The following PKD2L2 variants were observed in gnomAD, a reference collection of about 807,000 sequenced individuals.
PKD2L2 encodes the protein polycystin 2 like 2, transient receptor potential cation channel.
Under a neutral mutation model 83.9 loss-of-function variants are expected in PKD2L2, and 67 were observed. That is an observed-to-expected ratio of 0.80 (90% CI 0.66 to 0.98). The LOEUF (loss-of-function observed/expected upper bound fraction) is 0.98. Ranked by LOEUF, PKD2L2 falls within the 50% of genes least tolerant of loss-of-function variation. The probability of loss-of-function intolerance (pLI) is 0.00; values close to 1 mark genes in which losing one functional copy is unlikely to be tolerated. For missense variants in PKD2L2, 632 were observed against 717.2 expected (o/e 0.88, Z 1.36); for synonymous variants, 223 against 237.8 (o/e 0.94, Z 0.57).
At chr5:137,889,604 A>G in intron 1 of PKD2L2, 82 bp downstream of exon 1, 1 of 1,284,172 alleles carries the variant, frequency 7.8e-7, no homozygotes, top group Non-Finnish European at 1.0e-6. Flanking sequence ...TGCGGCCCCA[A>G]ATTCGTTTGA....
chr5:137,913,352 T>G (rs1758026519), intron 8 of PKD2L2, among the ~76,000 whole-genome samples: 1 of 150,868 alleles, frequency 6.6e-6, no homozygotes, highest in African/African-American at 2.4e-5. Context: ...CCCAGCTGAT[T>G]TTTAAAAATT....
At chr5:137,914,946 C>A (rs1188655275) in intron 8 of PKD2L2, among the ~76,000 whole-genome samples, 1 of 152,096 alleles carries the variant, frequency 6.6e-6, no homozygotes, top group Non-Finnish European at 1.5e-5. Context: ...GTATGTTGAA[C>A]CATCCTTGCA....
chr5:137,918,844 C>CTTTTTT (rs796480261), intron 8 of PKD2L2, among the ~76,000 whole-genome samples: 1 of 144,620 alleles, frequency 6.9e-6, no homozygotes. Flanking sequence ...TTCCAAGAAT[C>CTTTTTT]TTTTTTTTTT....
intron 10 of PKD2L2, among the ~76,000 whole-genome samples, chr5:137,924,380 C>T (rs1759194803): frequency 1.3e-5 from 2 of 152,214 alleles, no homozygotes; most frequent in South Asian, 2.1e-4. Flanking sequence ...AGCCTCTGCT[C>T]AAGTCATTCT....
chr5:137,940,159 G>A, intron 14 of PKD2L2: 1 of 1,613,306 alleles, frequency 6.2e-7, no homozygotes, highest in Non-Finnish European at 8.5e-7. Context: ...TACCAGCCAA[G>A]TACACACGAT....
At chr5:137,923,370 C>A in intron 9 of PKD2L2, 50 bp from the exon 10 acceptor site, 2 of 906,772 alleles carry the variant, frequency 2.2e-6, no homozygotes, top group Non-Finnish European at 3.5e-6. Flanking sequence ...AAGTCATTAA[C>A]ATTTAAACTA....
Position 137,942,399 on chromosome 5 carries a change from C to G in PKD2L2, c.*33C>G, listed in dbSNP as rs1420440939. On this transcript the variant is annotated 3_prime_UTR_variant, in exon 15 of 15. Transcript: ENST00000508883. ...CCTTTTTTAGAGACAGAGTCTCACT[C>G]TGTCGCCCAGGCTGGAACAGCGGTG... 2 of 239,290 alleles carry G rather than the reference C, an allele frequency of 8.4e-6. No individual in the cohort carries two copies. Among genetic ancestry groups the G allele is most frequent in the East Asian group, 9.6e-5 (1 of 10,366 alleles). 14.8% of individuals were successfully genotyped at this position (239,290 alleles called of 1,614,324 possible).
chr5:137,892,520 C>CTTTT lies in PKD2L2; in HGVS notation c.174_175insTTTT (p.Lys59PhefsTer2). ...TAAACCCACATATGTATTACTTAAA[C>CTTTT]AAGGTTATGTCATCTCTATTTTTGG... On this transcript the variant is annotated frameshift_variant, in exon 3 of 15. Transcript: ENST00000508883. LOFTEE classifies it high-confidence loss of function. The CTTTT allele has an allele frequency of 6.2e-7, 1 of 1,600,182 alleles. No homozygotes were observed. Among genetic ancestry groups the CTTTT allele is most frequent in the Non-Finnish European group, 8.5e-7 (1 of 1,170,658 alleles).
Position 137,906,267 on chromosome 5 carries a change from A to C in PKD2L2, c.808A>C (p.Lys270Gln). Residue 270 changes from lysine to glutamine, a missense_variant, in exon 6 of 15, where the codon AAG becomes CAG. Physicochemically the swap from Lys to Gln is moderately conservative, Grantham distance 53. This residue lies in a region of PKD2L2 where 399 missense variants were observed against 416.9 expected (regional missense o/e 0.96). Transcript: ENST00000508883. ...ILTSWQFYSV[K>Q]LLRYVSYYDY... ...TACTTCATGGCAGTTTTACTCTGTG[A>C]AGCTCCTCAGATATGTTAGCTACTA... The C allele has an allele frequency of 6.2e-7, 1 of 1,612,644 alleles. No individual in the cohort carries two copies. The highest frequency in any genetic ancestry group is 1.1e-5 in the South Asian group (1 of 90,964).
At chr5:137,937,381 CATAAGTT>C (rs1760528702) in intron 14 of PKD2L2, among the ~76,000 whole-genome samples, 1 of 152,188 alleles carries the variant, frequency 6.6e-6, no homozygotes, top group Admixed American at 6.5e-5. Flanking sequence ...GTATCACTGT[CATAAGTT>C]ATGTTTGGAA....
At chr5:137,910,936 C>T (rs1383707610) in intron 8 of PKD2L2, among the ~76,000 whole-genome samples, 1 of 152,036 alleles carries the variant, frequency 6.6e-6, no homozygotes, top group Non-Finnish European at 1.5e-5. Context: ...CATTTTAAAG[C>T]CCCTTTTTCA....
At chr5:137,918,445 G>A (rs1264262803) in intron 8 of PKD2L2, among the ~76,000 whole-genome samples, 2 of 152,170 alleles carry the variant, frequency 1.3e-5, no homozygotes, top group Non-Finnish European at 2.9e-5. Flanking sequence ...AACAATGGAG[G>A]AGATGCAACA....
chr5:137,907,818 G>T lies in PKD2L2; in HGVS notation c.1052G>T (p.Ser351Ile). 1 of 1,578,720 alleles carries T rather than the reference G, an allele frequency of 6.3e-7. No individual in the cohort carries two copies. Among genetic ancestry groups the T allele is most frequent in the Non-Finnish European group, 8.7e-7 (1 of 1,151,402 alleles). The change falls in exon 7 of 15, where the codon AGT becomes ATT. Residue 351 changes from serine (S) to isoleucine (I), a missense_variant. Around this residue, in one of 3 missense-constraint regions of PKD2L2, gnomAD observed 399 missense variants for 416.9 expected, o/e 0.96. Coordinates refer to ENST00000508883, the MANE Select transcript of PKD2L2 (RefSeq NM_001300921.2). ...CTCTTACTTGGACAGCTGTTGAAAA[G>T]TACTGAAAAATATTCAGATTTCTAT... ...IFLLLGQLLK[S>I]TEKYSDFYFL...
At chr5:137,910,304 G>C (rs1757721355) in intron 8 of PKD2L2, among the ~76,000 whole-genome samples, 1 of 150,704 alleles carries the variant, frequency 6.6e-6, no homozygotes, top group South Asian at 2.1e-4. Flanking sequence ...ATTGAATACA[G>C]ATGTAATAAT....
At chr5:137,923,011 CTTTTCTTTTTTT>C (rs1759058008) in intron 9 of PKD2L2, among the ~76,000 whole-genome samples, 1 of 147,846 alleles carries the variant, frequency 6.8e-6, no homozygotes, top group Non-Finnish European at 1.5e-5. Context: ...TTTCCTTTTT[CTTTTCTTTTTTT>C]TTTTTTTAGA....
chr5:137,892,136 A>C (rs1213697806), intron 2 of PKD2L2, among the ~76,000 whole-genome samples: 1 of 152,248 alleles, frequency 6.6e-6, no homozygotes, highest in African/African-American at 2.4e-5. Context: ...TTCAAAGTCC[A>C]TGTAACCTTA....
chr5:137,940,384 ATCATTTGG>A (rs1364949319), intron 14 of PKD2L2: 1 of 1,498,576 alleles, frequency 6.7e-7, no homozygotes, highest in Non-Finnish European at 9.1e-7. Context: ...TGTTCTAGAG[ATCATTTGG>A]AAAAAAAGAT....
intron 8 of PKD2L2, 84 bp from the exon 9 acceptor site, chr5:137,921,552 C>A: frequency 2.5e-6 from 2 of 813,756 alleles, no homozygotes; most frequent in Non-Finnish European, 4.0e-6. Context: ...TGCTAGATAT[C>A]CTCTTAGAGA....
At chr5:137,941,542 C>A (rs1761838668) in intron 14 of PKD2L2, among the ~76,000 whole-genome samples, 1 of 152,198 alleles carries the variant, frequency 6.6e-6, no homozygotes, top group African/African-American at 2.4e-5. Context: ...GCAACCTCAA[C>A]ACACAGTATG....
Sources: gnomAD v4.1 joint callset for allele counts (sites outside exome capture counted in the v4.1 genomes callset) on GRCh38, gnomAD v4.1.1 for gene constraint, gnomAD v4.1.1 regional missense constraint, MANE v1.5 for transcripts, NCBI Gene and HGNC (gene_info 2026-07-23, HGNC 2026-07-21) for gene names.